Variants in PARM1 observed in about 807,000 individuals in gnomAD.
PARM1 encodes the protein WSC4, cell wall integrity and stress response component 4 homolog.
A neutral mutation model predicts 24.6 loss-of-function variants in PARM1; 14 were observed. That is an observed-to-expected ratio of 0.57 (90% CI 0.38 to 0.89). The LOEUF is 0.89. Among genes scored for constraint, PARM1 ranks in the 40% least tolerant of loss-of-function variants. The pLI, the probability that PARM1 is intolerant of heterozygous loss-of-function variation, is 0.00. For missense variants in PARM1, 362 were observed against 380.4 expected (o/e 0.95, Z 0.40); for synonymous variants, 179 against 156.6 (o/e 1.14, Z -1.07).
Position 75,049,857 on chromosome 4 carries a change from C to CTTTTTTTTTT in PARM1, c.*3618_*3619insTTTTTTTTTT, listed in dbSNP as rs958932898. ...TGATTCACCTTCTTTGCCTTTAAGC[C>CTTTTTTTTTT]TTTTTTTTCTTTTTTTTTTTTTTGG... On this transcript the variant is annotated 3_prime_UTR_variant, in exon 4 of 4. Transcript: ENST00000307428. The CTTTTTTTTTT allele has an allele frequency of 2.2e-5, 3 of 138,686 alleles. No individual in the cohort carries two copies. The highest frequency in any genetic ancestry group is 5.9e-5 in the African/African-American group (2 of 33,666). The allele number at this position is 138,686 out of a possible 1,614,324, so 8.6% of individuals were successfully genotyped here.
chr4:75,003,711 G>A (rs1308453395), intron 1 of PARM1, among the ~76,000 whole-genome samples: 2 of 152,180 alleles, frequency 1.3e-5, no homozygotes, highest in Non-Finnish European at 2.9e-5. Context: ...TGGTTTTGTA[G>A]ATGTTAGATG....
chr4:74,988,406 C>T (rs556628045), intron 1 of PARM1, among the ~76,000 whole-genome samples: 40 of 152,180 alleles, frequency 2.6e-4, no homozygotes, highest in Non-Finnish European at 3.8e-4. Flanking sequence ...AGAGATGGCG[C>T]GTATCAGTAT....
At chr4:74,960,298 C>T (rs1721741123) in intron 1 of PARM1, among the ~76,000 whole-genome samples, 1 of 152,128 alleles carries the variant, frequency 6.6e-6, no homozygotes, top group Non-Finnish European at 1.5e-5. Flanking sequence ...TTAATTTTTT[C>T]TTCTCCTCCT....
intron 1 of PARM1, among the ~76,000 whole-genome samples, chr4:74,964,107 T>G (rs1292063748): frequency 1.3e-5 from 2 of 152,210 alleles, no homozygotes; most frequent in East Asian, 3.9e-4. Flanking sequence ...CTCATTCTCC[T>G]TAAGACATGG....
At chr4:75,003,510 G>A (rs1018814134) in intron 1 of PARM1, among the ~76,000 whole-genome samples, 3 of 152,122 alleles carry the variant, frequency 2.0e-5, no homozygotes, top group African/African-American at 7.2e-5. Flanking sequence ...CTAGAAAACA[G>A]AAGCTCTTTC....
chr4:74,945,326 G>A (rs1302727617), intron 1 of PARM1, among the ~76,000 whole-genome samples: 1 of 152,134 alleles, frequency 6.6e-6, no homozygotes, highest in Non-Finnish European at 1.5e-5. Flanking sequence ...AATTTTAAAA[G>A]TTGAGATATT....
chr4:75,025,614 A>C (rs1723168462), intron 2 of PARM1, among the ~76,000 whole-genome samples: 2 of 152,206 alleles, frequency 1.3e-5, no homozygotes, highest in Admixed American at 1.3e-4. Flanking sequence ...TTAATTGCAA[A>C]TGTGCGCTCC....
chr4:75,014,179 A>C (rs1722933494), intron 2 of PARM1, among the ~76,000 whole-genome samples: 1 of 152,218 alleles, frequency 6.6e-6, no homozygotes. Context: ...AACAATTGAT[A>C]TACATCCATC....
intron 3 of PARM1, among the ~76,000 whole-genome samples, chr4:75,043,813 C>T (rs1325768591): frequency 1.3e-5 from 2 of 152,150 alleles, no homozygotes; most frequent in Non-Finnish European, 2.9e-5. Context: ...CCAAAGCTAC[C>T]TCCCTTATTT....
chr4:75,021,579 ATAGT>A (rs745447001), intron 2 of PARM1, among the ~76,000 whole-genome samples: 1 of 149,982 alleles, frequency 6.7e-6, no homozygotes, highest in South Asian at 2.1e-4. Context: ...ATAGTGCGCT[ATAGT>A]TAGTTTTTTT....
intron 1 of PARM1, among the ~76,000 whole-genome samples, chr4:75,008,387 G>A (rs905480447): frequency 1.3e-5 from 2 of 152,150 alleles, no homozygotes; most frequent in Non-Finnish European, 2.9e-5. Context: ...ACAAGAAAAT[G>A]GATATTTCCA....
At chr4:74,941,101 T>C (rs1450281570) in intron 1 of PARM1, among the ~76,000 whole-genome samples, 1 of 152,180 alleles carries the variant, frequency 6.6e-6, no homozygotes, top group East Asian at 1.9e-4. Flanking sequence ...TTAATGAACA[T>C]TGCCGACTGA....
chr4:75,031,288 T>C (rs1214568445), intron 2 of PARM1, among the ~76,000 whole-genome samples: 1 of 152,216 alleles, frequency 6.6e-6, no homozygotes, highest in Non-Finnish European at 1.5e-5. Context: ...TGTTTTATCT[T>C]ATACCATTTG....
At chr4:74,970,717 C>A (rs1484007362) in intron 1 of PARM1, among the ~76,000 whole-genome samples, 1 of 152,204 alleles carries the variant, frequency 6.6e-6, no homozygotes, top group African/African-American at 2.4e-5. Flanking sequence ...TTCCAGCCTG[C>A]CTGCATGTGT....
chr4:74,988,614 A>G (rs1361488664), intron 1 of PARM1, among the ~76,000 whole-genome samples: 1 of 152,202 alleles, frequency 6.6e-6, no homozygotes, highest in Non-Finnish European at 1.5e-5. Context: ...ACAAGCACAA[A>G]ATGTTATAAA....
intron 3 of PARM1, among the ~76,000 whole-genome samples, chr4:75,041,851 C>T (rs933492517): frequency 1.6e-4 from 25 of 152,078 alleles, no homozygotes; most frequent in African/African-American, 5.6e-4. Flanking sequence ...TTTTCCCCCT[C>T]GGGTTTTAAT....
intron 1 of PARM1, among the ~76,000 whole-genome samples, chr4:74,955,786 T>C (rs1721618821): frequency 6.6e-6 from 1 of 152,254 alleles, no homozygotes; most frequent in Non-Finnish European, 1.5e-5. Context: ...CTCAGGTATG[T>C]CAGTAAACAT....
chr4:75,014,835 G>T lies in PARM1; in HGVS notation c.769+1685G>T, dbSNP rs117047730. Among the ~76,000 whole-genome samples the T allele has an allele frequency of 5.3e-5, 8 of 152,212 alleles. No individual in the cohort carries two copies. In the East Asian group the frequency reaches 1.5e-3, roughly 29 times the overall value. On this transcript the variant is annotated intron_variant, in intron 2 of 3. Transcript: ENST00000307428. Reference sequence around the variant, plus strand: ...CCTCCAGGCCAGCACTTAAAACATTGAGCTTGAATGTGTATCTTCAGTCTG... The same window carrying T: ...CCTCCAGGCCAGCACTTAAAACATTTAGCTTGAATGTGTATCTTCAGTCTG...
intron 2 of PARM1, among the ~76,000 whole-genome samples, chr4:75,025,467 G>T (rs1723165161): frequency 6.6e-6 from 1 of 152,182 alleles, no homozygotes; most frequent in Non-Finnish European, 1.5e-5. Flanking sequence ...TGAACAATCT[G>T]AACACACAGT....
Sources: gnomAD v4.1 joint callset for allele counts (sites outside exome capture counted in the v4.1 genomes callset) on GRCh38, gnomAD v4.1.1 for gene constraint, MANE v1.5 for transcripts, NCBI Gene and HGNC (gene_info 2026-07-23, HGNC 2026-07-21) for gene names.